SMYD3: variants seen among roughly 807,000 people sequenced by gnomAD.
SMYD3 encodes SET and MYND domain containing 3, also known as histone-lysine N-methyltransferase SMYD3.
In SMYD3, 36 loss-of-function variants were observed where a neutral mutation model predicts 57.7. The ratio of observed to expected loss-of-function variants is 0.62; its 90% CI spans 0.48 to 0.82. The LOEUF (loss-of-function observed/expected upper bound fraction) is 0.82, where lower values mean the gene tolerates loss of function less well. SMYD3 is among the 40% of genes least tolerant of loss of function. The pLI is 0.00. For synonymous variants in SMYD3, 211 were observed against 195.0 expected (o/e 1.08, Z -0.68); for missense variants, 515 against 538.8 (o/e 0.96, Z 0.44).
At chr1:246,191,578 A>G (rs1026855182) in intron 5 of SMYD3, among the ~76,000 whole-genome samples, 1 of 152,248 alleles carries the variant, frequency 6.6e-6, no homozygotes, top group South Asian at 2.1e-4. Context: ...TCTTAAAAGA[A>G]TAAGACAAAA....
intron 10 of SMYD3, among the ~76,000 whole-genome samples, chr1:245,810,359 G>C (rs2048394735): frequency 1.3e-5 from 2 of 152,240 alleles, no homozygotes; most frequent in South Asian, 4.1e-4. Context: ...TGACCCCCAT[G>C]ACTCTGGCGC....
intron 1 of SMYD3, among the ~76,000 whole-genome samples, chr1:246,448,203 C>A (rs2067576193): frequency 6.6e-6 from 1 of 152,058 alleles, no homozygotes; most frequent in Non-Finnish European, 1.5e-5. Flanking sequence ...GGAAACAGAG[C>A]GAGACTCCGT....
chr1:245,755,018 G>C (rs982325371), intron 11 of SMYD3, among the ~76,000 whole-genome samples: 2 of 152,274 alleles, frequency 1.3e-5, no homozygotes, highest in East Asian at 1.9e-4. Context: ...GAAAAAGCAT[G>C]GCTGTTGTAT....
intron 2 of SMYD3, among the ~76,000 whole-genome samples, chr1:246,350,940 A>G (rs927607600): frequency 6.6e-6 from 1 of 152,232 alleles, no homozygotes; most frequent in African/African-American, 2.4e-5. Context: ...ACTTATCTAC[A>G]GTACATTCCG....
intron 11 of SMYD3, among the ~76,000 whole-genome samples, chr1:245,763,467 G>T (rs1000864204): frequency 1.3e-5 from 2 of 152,224 alleles, no homozygotes; most frequent in African/African-American, 4.8e-5. Flanking sequence ...CCAGGGGGTT[G>T]TGATGCGGAG....
chr1:246,104,653 C>T lies in SMYD3; in HGVS notation c.532-174716G>A, dbSNP rs574185553. 2.6e-5 allele frequency among the ~76,000 whole-genome samples: 4 copies of T among 152,108 alleles called. No homozygotes were observed. In the South Asian group the frequency reaches 8.3e-4, roughly 31 times the overall value. On this transcript the variant is annotated intron_variant, in intron 5 of 11. Coordinates refer to ENST00000490107, the MANE Select transcript of SMYD3 (RefSeq NM_001167740.2). ...ACTGGAAATGGGGGGAAAAATAACA[C>T]AAGCCTTTCGCGAGACAGTTTAAAA...
chr1:246,029,399 C>T (rs892891294), intron 5 of SMYD3, among the ~76,000 whole-genome samples: 13 of 152,140 alleles, frequency 8.5e-5, no homozygotes, highest in African/African-American at 2.9e-4. Flanking sequence ...AGGCCAGGCA[C>T]GGTGGCTCAT....
At chr1:246,010,010 G>A (rs2059253622) in intron 5 of SMYD3, among the ~76,000 whole-genome samples, 1 of 7,402 alleles carries the variant, frequency 1.4e-4, no homozygotes, top group African/African-American at 5.0e-4. Context: ...AGAATCGCTT[G>A]AACCCAGGGG....
At position 246,044,354 on chromosome 1, in the gene SMYD3, A is replaced by G. The variant is rs190698989; in HGVS notation, c.532-114417T>C. On this transcript the variant is annotated intron_variant, in intron 5 of 11. Transcript: ENST00000490107. ...GGGTAAGATACACAGGTGTTCATAC[A>G]GTAAACATGAGAACTCCATGTCAAA... is the stretch of plus-strand genomic sequence containing the variant. Among the ~76,000 whole-genome samples, 40 of 152,354 alleles carry G rather than the reference A, an allele frequency of 2.6e-4. No homozygotes were observed. In the East Asian group the frequency reaches 2.7e-3, roughly 10 times the overall value.
At chr1:245,772,212 C>T (rs116881705) in intron 10 of SMYD3, among the ~76,000 whole-genome samples, 4,073 of 152,274 alleles carry the variant, frequency 0.027, 181 homozygotes, top group Admixed American at 0.11. Flanking sequence ...AAAGAAAATT[C>T]GTGGTGTCAC....
intron 5 of SMYD3, among the ~76,000 whole-genome samples, chr1:246,123,352 G>C (rs1314125341): frequency 2.0e-5 from 3 of 152,124 alleles, no homozygotes. Context: ...CAGATCATGA[G>C]GCCAAGAGAT....
At chr1:246,267,819 A>G (rs1572309227) in intron 5 of SMYD3, among the ~76,000 whole-genome samples, 1 of 152,236 alleles carries the variant, frequency 6.6e-6, no homozygotes, top group East Asian at 1.9e-4. Flanking sequence ...CAATTCATAA[A>G]CAAAATCAAT....
At chr1:246,311,390 A>C (rs2065073972) in intron 5 of SMYD3, among the ~76,000 whole-genome samples, 1 of 152,238 alleles carries the variant, frequency 6.6e-6, no homozygotes, top group South Asian at 2.1e-4. Flanking sequence ...AAAAGCTAGA[A>C]GCCTGCCATA....
At chr1:246,476,594 A>G (rs1046158909) in intron 1 of SMYD3, among the ~76,000 whole-genome samples, 3 of 152,246 alleles carry the variant, frequency 2.0e-5, no homozygotes. Flanking sequence ...GATCCTAACA[A>G]TCTAAGCAAA....
chr1:245,983,330 C>G (rs567640507), intron 5 of SMYD3, among the ~76,000 whole-genome samples: 12 of 152,092 alleles, frequency 7.9e-5, no homozygotes, highest in Non-Finnish European at 1.6e-4. Flanking sequence ...TTCATTATTT[C>G]CCCTAAAAAC....
intron 5 of SMYD3, among the ~76,000 whole-genome samples, chr1:246,205,349 A>C (rs1392769381): frequency 6.6e-6 from 1 of 152,202 alleles, no homozygotes; most frequent in Non-Finnish European, 1.5e-5. Flanking sequence ...TTTCACTATA[A>C]ATGTGGGCAT....
At chr1:246,199,046 T>G (rs1418118454) in intron 5 of SMYD3, among the ~76,000 whole-genome samples, 1 of 152,146 alleles carries the variant, frequency 6.6e-6, no homozygotes, top group Non-Finnish European at 1.5e-5. Context: ...CGCTGAGGCT[T>G]GGGGTAGAAA....
intron 10 of SMYD3, among the ~76,000 whole-genome samples, chr1:245,782,365 G>A (rs1259210281): frequency 6.6e-6 from 1 of 152,212 alleles, no homozygotes; most frequent in African/African-American, 2.4e-5. Context: ...TTTTCAAAGG[G>A]AGGAAGAAAG....
intron 1 of SMYD3, among the ~76,000 whole-genome samples, chr1:246,371,874 T>C (rs1443812702): frequency 6.7e-6 from 1 of 148,558 alleles, no homozygotes; most frequent in Non-Finnish European, 1.5e-5. Context: ...CCTGAAGCCA[T>C]CTTCTCCTTC....
Sources: allele counts gnomAD v4.1 joint callset (sites outside exome capture counted in the v4.1 genomes callset), GRCh38; gene constraint gnomAD v4.1.1; transcripts MANE v1.5; gene names NCBI Gene and HGNC (gene_info 2026-07-23, HGNC 2026-07-21).